PCDH15: variants seen among roughly 807,000 people sequenced by gnomAD.
PCDH15 encodes the protein protocadherin related 15.
A neutral mutation model predicts 178.5 loss-of-function variants in PCDH15; 129 were observed. That is an observed-to-expected ratio of 0.72 (90% CI 0.63 to 0.84). PCDH15 has a LOEUF of 0.84. PCDH15 is among the 40% of genes least tolerant of loss of function. The probability of loss-of-function intolerance (pLI) is 0.00; values close to 1 mark genes in which losing one functional copy is unlikely to be tolerated. For missense variants in PCDH15, 2,230 were observed against 2,099.9 expected (o/e 1.06, Z -1.21); for synonymous variants, 800 against 732.0 (o/e 1.09, Z -1.50).
chr10:54,035,087 T>G (rs10825197), intron 18 of PCDH15, among the ~76,000 whole-genome samples: 91,035 of 151,626 alleles, frequency 0.6, 29,908 homozygotes, highest in Non-Finnish European at 0.74. Context: ...GCAGAAATTT[T>G]CCTGAGAATA....
intron 2 of PCDH15, among the ~76,000 whole-genome samples, chr10:55,551,478 G>A (rs892651204): frequency 2.6e-5 from 4 of 151,814 alleles, no homozygotes; most frequent in African/African-American, 9.7e-5. Flanking sequence ...AATAAGAAAT[G>A]TATTTATTCT....
intron 7 of PCDH15, among the ~76,000 whole-genome samples, chr10:54,325,707 C>T (rs1256588640): frequency 6.6e-6 from 1 of 151,986 alleles, no homozygotes; most frequent in Non-Finnish European, 1.5e-5. Flanking sequence ...TGAGATCATG[C>T]CACTGCACTC....
intron 2 of PCDH15, among the ~76,000 whole-genome samples, chr10:55,164,209 G>GGAGT (rs1238807615): frequency 6.6e-6 from 1 of 151,612 alleles, no homozygotes; most frequent in Non-Finnish European, 1.5e-5. Context: ...AAATAAAGTT[G>GGAGT]GAGTACTTGA....
At chr10:54,930,219 G>A (rs1016670578) in intron 2 of PCDH15, among the ~76,000 whole-genome samples, 23 of 152,228 alleles carry the variant, frequency 1.5e-4, no homozygotes, top group Admixed American at 1.4e-3. Context: ...GATTAGGGTG[G>A]GGTTGCAAGG....
Position 55,152,323 on chromosome 10 carries a change from T to C in PCDH15, c.-80+14253A>G, listed in dbSNP as rs570518448. ...AAATGAGTCACATAATAGGTCCGTATAGGTTTTGCCATGTGGCAAATTACC... is the reference window on the plus strand; with the variant it reads ...AAATGAGTCACATAATAGGTCCGTACAGGTTTTGCCATGTGGCAAATTACC... On this transcript the variant is annotated intron_variant, in intron 2 of 5. Coordinates refer to the PCDH15 transcript ENST00000458638. Among the ~76,000 whole-genome samples the C allele has an allele frequency of 4.0e-5, 6 of 150,734 alleles. No homozygotes were observed. The South Asian group carries it at 1.0e-3, about 26-fold the overall frequency.
intron 3 of PCDH15, among the ~76,000 whole-genome samples, chr10:54,512,820 A>G (rs984197705): frequency 6.6e-6 from 1 of 152,106 alleles, no homozygotes; most frequent in Non-Finnish European, 1.5e-5. Flanking sequence ...CTCTTTAAAA[A>G]TGTCATTTCA....
At chr10:55,145,550 T>A (rs1838484506) in intron 2 of PCDH15, among the ~76,000 whole-genome samples, 1 of 151,936 alleles carries the variant, frequency 6.6e-6, no homozygotes, top group South Asian at 2.1e-4. Context: ...ATAAACTTTT[T>A]CTACTTTATT....
intron 2 of PCDH15, among the ~76,000 whole-genome samples, chr10:54,984,374 T>C (rs1839314891): frequency 6.6e-6 from 1 of 152,110 alleles, no homozygotes; most frequent in Non-Finnish European, 1.5e-5. Flanking sequence ...AGACTCTCAT[T>C]ACAGAGAGAT....
chr10:54,486,506 A>G (rs1162793753), intron 3 of PCDH15, among the ~76,000 whole-genome samples: 1 of 151,976 alleles, frequency 6.6e-6, no homozygotes, highest in Non-Finnish European at 1.5e-5. Context: ...TAGATCTATT[A>G]ATTTCACATA....
intron 1 of PCDH15, among the ~76,000 whole-genome samples, chr10:54,752,713 T>C (rs1191757834): frequency 9.1e-6 from 1 of 109,340 alleles, no homozygotes; most frequent in Non-Finnish European, 2.2e-5. Flanking sequence ...GCAATGAAAG[T>C]ATATAAAGCC....
chr10:54,891,901 G>A (rs1296510895), intron 3 of PCDH15, among the ~76,000 whole-genome samples: 2 of 152,038 alleles, frequency 1.3e-5, no homozygotes, highest in African/African-American at 2.4e-5. Flanking sequence ...CCTAATCAAG[G>A]TCACAAATCA....
intron 1 of PCDH15, among the ~76,000 whole-genome samples, chr10:54,799,026 T>C (rs1271949590): frequency 1.3e-5 from 2 of 152,240 alleles, no homozygotes; most frequent in South Asian, 4.1e-4. Flanking sequence ...AGAAGGTTCA[T>C]AATTTGTCTA....
chr10:54,423,635 C>T (rs1211524940), intron 3 of PCDH15, among the ~76,000 whole-genome samples: 1 of 151,794 alleles, frequency 6.6e-6, no homozygotes, highest in Non-Finnish European at 1.5e-5. Flanking sequence ...ATCACCTCTG[C>T]CTAAAGCAGT....
chr10:55,084,663 G>C (rs1371225705), intron 2 of PCDH15, among the ~76,000 whole-genome samples: 1 of 151,878 alleles, frequency 6.6e-6, no homozygotes, highest in Non-Finnish European at 1.5e-5. Flanking sequence ...GAAAATATTT[G>C]CTAACTATCC....
intron 2 of PCDH15, among the ~76,000 whole-genome samples, chr10:55,525,781 T>A (rs1427978637): frequency 6.6e-6 from 1 of 151,900 alleles, no homozygotes; most frequent in Non-Finnish European, 1.5e-5. Context: ...GGAATCAAAG[T>A]AACTCCTAAA....
chr10:54,684,556 C>T, intron 1 of PCDH15, among the ~76,000 whole-genome samples: 1 of 151,832 alleles, frequency 6.6e-6, no homozygotes, highest in East Asian at 1.9e-4. Context: ...AAAAATAATT[C>T]TGTGTTTTTT....
chr10:54,493,991 A>G (rs952926532), intron 3 of PCDH15, among the ~76,000 whole-genome samples: 14 of 151,814 alleles, frequency 9.2e-5, no homozygotes, highest in Admixed American at 5.9e-4. Flanking sequence ...CAAGGACAAA[A>G]AACCAAACAC....
Position 54,167,971 on chromosome 10 carries a change from C to T in PCDH15, c.1591-14678G>A, listed in dbSNP as rs1457158168. Among the ~76,000 whole-genome samples, 7 of 150,660 alleles carry T rather than the reference C, an allele frequency of 4.6e-5. No homozygotes were observed. In the South Asian group the frequency reaches 1.1e-3, roughly 23 times the overall value. On this transcript the variant is annotated intron_variant, in intron 13 of 37. Transcript: ENST00000644397. ...CCCCCGAACCCCTTCCCTCTGTTTCCCTACTCTCTCTTTTCTCTAGGCTTG... is the reference window on the plus strand; with the variant it reads ...CCCCCGAACCCCTTCCCTCTGTTTCTCTACTCTCTCTTTTCTCTAGGCTTG...
At chr10:54,314,866 C>T (rs2061144164) in intron 8 of PCDH15, among the ~76,000 whole-genome samples, 1 of 152,052 alleles carries the variant, frequency 6.6e-6, no homozygotes, top group Non-Finnish European at 1.5e-5. Flanking sequence ...AAGACAAGAC[C>T]TCATTATTTT....
Sources: allele counts gnomAD v4.1 joint callset (sites outside exome capture counted in the v4.1 genomes callset), GRCh38; gene constraint gnomAD v4.1.1; transcripts MANE v1.5; gene names NCBI Gene and HGNC (gene_info 2026-07-23, HGNC 2026-07-21).